The following ZMAT4 variants were observed in gnomAD, a reference collection of about 807,000 sequenced individuals.
ZMAT4 encodes zinc finger matrin-type 4, also known as zinc finger matrin-type protein 4.
Under a neutral mutation model 28.7 loss-of-function variants are expected in ZMAT4, and 17 were observed. The ratio of observed to expected loss-of-function variants is 0.59; its 90% CI spans 0.41 to 0.89. The LOEUF is 0.89. ZMAT4 is among the 40% of genes least tolerant of loss of function. The probability of loss-of-function intolerance (pLI) is 0.00; values close to 1 mark genes in which losing one functional copy is unlikely to be tolerated. For missense variants in ZMAT4, 240 were observed against 283.8 expected (o/e 0.85, Z 1.11); for synonymous variants, 117 against 109.2 (o/e 1.07, Z -0.44).
chr8:40,556,922 G>A (rs1019582398), intron 6 of ZMAT4, among the ~76,000 whole-genome samples: 2 of 151,810 alleles, frequency 1.3e-5, no homozygotes, highest in African/African-American at 4.8e-5. Flanking sequence ...TGAGTATTAG[G>A]GCTTATTTGT....
At chr8:40,742,087 A>AAAAAAAACAAAAAAC (rs10624990) in intron 3 of ZMAT4, among the ~76,000 whole-genome samples, 1 of 148,692 alleles carries the variant, frequency 6.7e-6, no homozygotes, top group Admixed American at 6.7e-5. Context: ...AAAAATACAA[A>AAAAAAAACAAAAAAC]AAAAAACAAA....
intron 6 of ZMAT4, among the ~76,000 whole-genome samples, chr8:40,576,629 C>G (rs1804275759): frequency 6.6e-6 from 1 of 150,906 alleles, no homozygotes; most frequent in Non-Finnish European, 1.5e-5. Context: ...AGAAATTAAT[C>G]ATCACCAGAC....
At chr8:40,820,464 G>A (rs994585677) in intron 2 of ZMAT4, among the ~76,000 whole-genome samples, 1 of 150,926 alleles carries the variant, frequency 6.6e-6, no homozygotes, top group Non-Finnish European at 1.5e-5. Flanking sequence ...GTGTCTGGGG[G>A]TGTATGTGTG....
chr8:40,834,037 C>T (rs1482434693), intron 1 of ZMAT4, among the ~76,000 whole-genome samples: 2 of 152,234 alleles, frequency 1.3e-5, no homozygotes. Context: ...CGCTGACTCA[C>T]ACCACTTGAA....
chr8:40,622,878 C>T (rs1363858394), intron 5 of ZMAT4, among the ~76,000 whole-genome samples: 1 of 152,186 alleles, frequency 6.6e-6, no homozygotes, highest in Non-Finnish European at 1.5e-5. Flanking sequence ...CCAGGTCCAA[C>T]CTCCAACACT....
At chr8:40,837,105 T>C (rs1255622004) in intron 1 of ZMAT4, among the ~76,000 whole-genome samples, 1 of 152,226 alleles carries the variant, frequency 6.6e-6, no homozygotes, top group Non-Finnish European at 1.5e-5. Context: ...TCCTTTCTCC[T>C]GGCCACAAAA....
rs1222878587 is a variant in ZMAT4 at position 40,897,759 on chromosome 8, T to C, written c.-81A>G. Reference sequence around the variant, plus strand: ...CGAGCAGTAGAGCGAAGCTGTGGGCTGGAGCACGCTGAGGATTACACGTTC... The same window carrying C: ...CGAGCAGTAGAGCGAAGCTGTGGGCCGGAGCACGCTGAGGATTACACGTTC... On this transcript the variant is annotated 5_prime_UTR_variant, in exon 1 of 7. Coordinates refer to ENST00000297737, the MANE Select transcript of ZMAT4 (RefSeq NM_024645.3). The C allele has an allele frequency of 6.6e-6, 1 of 152,232 alleles. No homozygotes were observed. Among genetic ancestry groups the C allele is most frequent in the Admixed American group, 6.5e-5 (1 of 15,284 alleles). 9.4% of individuals were successfully genotyped at this position (152,232 alleles called of 1,614,324 possible).
chr8:40,860,486 A>T (rs1219153515), intron 1 of ZMAT4, among the ~76,000 whole-genome samples: 1 of 152,220 alleles, frequency 6.6e-6, no homozygotes, highest in African/African-American at 2.4e-5. Flanking sequence ...GTTACATTGG[A>T]CAACAGCAAT....
intron 3 of ZMAT4, among the ~76,000 whole-genome samples, chr8:40,758,393 T>A (rs1417944300): frequency 1.3e-5 from 2 of 152,164 alleles, no homozygotes; most frequent in Non-Finnish European, 2.9e-5. Flanking sequence ...TTTTCATTAG[T>A]CACCATGACT....
At chr8:40,732,267 A>C (rs1811572495) in intron 3 of ZMAT4, among the ~76,000 whole-genome samples, 1 of 136,778 alleles carries the variant, frequency 7.3e-6, no homozygotes, top group Non-Finnish European at 1.7e-5. Flanking sequence ...GAAAAAAAGA[A>C]AAAAAGACAA....
chr8:40,868,648 A>G (rs1477399392), intron 1 of ZMAT4, among the ~76,000 whole-genome samples: 2 of 152,134 alleles, frequency 1.3e-5, no homozygotes. Flanking sequence ...AGGTCACCTG[A>G]CCTGTCTACT....
At chr8:40,645,806 A>G (rs1807278001) in intron 5 of ZMAT4, among the ~76,000 whole-genome samples, 1 of 152,256 alleles carries the variant, frequency 6.6e-6, no homozygotes, top group South Asian at 2.1e-4. Context: ...CTTTGAATAA[A>G]CTTAAATCAT....
intron 1 of ZMAT4, among the ~76,000 whole-genome samples, chr8:40,835,190 A>G (rs1039072565): frequency 6.6e-6 from 1 of 152,184 alleles, no homozygotes. Flanking sequence ...AAGTCAGACC[A>G]AAAACAGAGC....
chr8:40,666,251 C>T (rs1316835956), intron 5 of ZMAT4, among the ~76,000 whole-genome samples: 1 of 152,026 alleles, frequency 6.6e-6, no homozygotes, highest in African/African-American at 2.4e-5. Flanking sequence ...CAATAACTTC[C>T]TTTGTTTTCT....
At chr8:40,802,261 C>G (rs1490831860) in intron 2 of ZMAT4, among the ~76,000 whole-genome samples, 1 of 152,126 alleles carries the variant, frequency 6.6e-6, no homozygotes, top group African/African-American at 2.4e-5. Flanking sequence ...AAAAGGTATA[C>G]CTTTTGGGAA....
At chr8:40,683,562 T>A (rs907223845) in intron 4 of ZMAT4, among the ~76,000 whole-genome samples, 1 of 152,204 alleles carries the variant, frequency 6.6e-6, no homozygotes, top group African/African-American at 2.4e-5. Context: ...ACATTCCTTT[T>A]GATTATTTTG....
Position 40,570,077 on chromosome 8 carries a change from G to A in ZMAT4, c.674+11088C>T, listed in dbSNP as rs1445272616. Among the ~76,000 whole-genome samples, 6 of 152,244 alleles carry A rather than the reference G, an allele frequency of 3.9e-5. 1 individual carries two copies. Among genetic ancestry groups the A allele is most frequent in the Non-Finnish European group, 7.4e-5 (5 of 68,010 alleles). On this transcript the variant is annotated intron_variant, in intron 6 of 6. Transcript: ENST00000297737. ...AAGGAAAAGAAAGAACTAATGACAC[G>A]TGTAATTAATGTGAACAACTCTCAA... is the stretch of plus-strand genomic sequence containing the variant.
intron 5 of ZMAT4, among the ~76,000 whole-genome samples, chr8:40,616,984 T>C (rs1806031295): frequency 6.6e-6 from 1 of 151,982 alleles, no homozygotes; most frequent in Admixed American, 6.6e-5. Flanking sequence ...CACATAATCA[T>C]TCTCACTCAT....
chr8:40,818,878 G>A (rs1385369776), intron 2 of ZMAT4, among the ~76,000 whole-genome samples: 1 of 152,184 alleles, frequency 6.6e-6, no homozygotes, highest in African/African-American at 2.4e-5. Flanking sequence ...ACAAGAAGAA[G>A]GTATGAGAGT....
Sources: gnomAD v4.1 joint callset for allele counts (sites outside exome capture counted in the v4.1 genomes callset) on GRCh38, gnomAD v4.1.1 for gene constraint, MANE v1.5 for transcripts, NCBI Gene and HGNC (gene_info 2026-07-23, HGNC 2026-07-21) for gene names.